The following TMEM266 variants were observed in gnomAD, a reference collection of about 807,000 sequenced individuals.
The protein encoded by TMEM266 is transmembrane protein 266.
In TMEM266, 33 loss-of-function variants were observed where a neutral mutation model predicts 50.5. That is an observed-to-expected ratio of 0.65 (90% CI 0.50 to 0.87). The LOEUF is 0.87. Among genes scored for constraint, TMEM266 ranks in the 40% least tolerant of loss-of-function variants. The pLI is 0.00. For synonymous variants in TMEM266, 310 were observed against 292.3 expected, an observed-to-expected ratio of 1.06 and a Z score of -0.62; for missense variants, 655 against 695.1, an observed-to-expected ratio of 0.94 and a Z score of 0.65.
At chr15:76,087,158 C>CT (rs1044912859) in intron 1 of TMEM266, among the ~76,000 whole-genome samples, 9 of 152,010 alleles carry the variant, frequency 5.9e-5, no homozygotes, top group African/African-American at 1.2e-4. Context: ...AATTGTGCAT[C>CT]TTTTTTTTAA....
chr15:76,180,346 T>C (rs2038379454), intron 8 of TMEM266, among the ~76,000 whole-genome samples: 1 of 152,172 alleles, frequency 6.6e-6, no homozygotes, highest in South Asian at 2.1e-4. Context: ...CTGAAGGGTT[T>C]TGGGGAGCAC....
chr15:76,110,501 A>G (rs930445639), intron 1 of TMEM266, among the ~76,000 whole-genome samples: 4 of 152,170 alleles, frequency 2.6e-5, no homozygotes, highest in Non-Finnish European at 5.9e-5. Flanking sequence ...TAGGGAAGCC[A>G]AAAGATTGGA....
chr15:76,202,698 G>A (rs527679550), intron 10 of TMEM266, among the ~76,000 whole-genome samples: 4 of 152,258 alleles, frequency 2.6e-5, no homozygotes, highest in African/African-American at 9.6e-5. Flanking sequence ...AAAAACCTCA[G>A]GGAAGCCTAG....
At chr15:76,060,666 G>T (rs1037124314) in intron 1 of TMEM266, among the ~76,000 whole-genome samples, 2 of 152,192 alleles carry the variant, frequency 1.3e-5, no homozygotes, top group African/African-American at 2.4e-5. Flanking sequence ...CTAGAAAATT[G>T]TCTCCCTTGA....
intron 9 of TMEM266, among the ~76,000 whole-genome samples, chr15:76,199,584 A>G (rs1322098678): frequency 6.6e-6 from 1 of 152,158 alleles, no homozygotes; most frequent in Non-Finnish European, 1.5e-5. Context: ...TTGGCAGAGG[A>G]GGGCAGTTTC....
chr15:76,177,256 C>T (rs1173373405), intron 8 of TMEM266, among the ~76,000 whole-genome samples: 1 of 152,254 alleles, frequency 6.6e-6, no homozygotes, highest in Non-Finnish European at 1.5e-5. Flanking sequence ...CACATCCGGC[C>T]CCAGCCAGCA....
At chr15:76,099,824 C>T (rs1462174302) in intron 1 of TMEM266, among the ~76,000 whole-genome samples, 1 of 152,122 alleles carries the variant, frequency 6.6e-6, no homozygotes, top group African/African-American at 2.4e-5. Flanking sequence ...GTTTAATTGA[C>T]TCACAGTTCT....
intron 1 of TMEM266, among the ~76,000 whole-genome samples, chr15:76,087,774 G>A (rs942990566): frequency 1.3e-5 from 2 of 152,154 alleles, no homozygotes; most frequent in African/African-American, 4.8e-5. Flanking sequence ...CCAAAGAAGG[G>A]AAAAGTGATT....
intron 9 of TMEM266, among the ~76,000 whole-genome samples, chr15:76,196,587 C>G (rs1034339757): frequency 4.0e-5 from 6 of 151,260 alleles, no homozygotes; most frequent in South Asian, 2.1e-4. Flanking sequence ...CTAACTGTGA[C>G]CTTCAGGCCA....
At chr15:76,199,761 A>AATCCCTCC (rs2038713674) in intron 9 of TMEM266, among the ~76,000 whole-genome samples, 1 of 14,124 alleles carries the variant, frequency 7.1e-5, no homozygotes, top group Admixed American at 1.6e-3. Flanking sequence ...AGTAAACACT[A>AATCCCTCC]GTCCCTCCCT....
At chr15:76,130,537 C>G (rs80205783) in intron 1 of TMEM266, among the ~76,000 whole-genome samples, 1,879 of 152,344 alleles carry the variant, frequency 0.012, 39 homozygotes, top group African/African-American at 0.043. Flanking sequence ...AACTGTGTCT[C>G]AAAGAAGAGA....
intron 1 of TMEM266, among the ~76,000 whole-genome samples, chr15:76,132,274 A>T (rs1162938683): frequency 6.6e-6 from 1 of 151,490 alleles, no homozygotes; most frequent in Non-Finnish European, 1.5e-5. Context: ...ATGCCTGGCT[A>T]ATATTTTTGT....
chr15:76,083,670 T>A (rs1329725495), intron 1 of TMEM266, among the ~76,000 whole-genome samples: 6 of 152,216 alleles, frequency 3.9e-5, no homozygotes, highest in Non-Finnish European at 8.8e-5. Context: ...TCAGAACAAT[T>A]AACTCAGTTT....
rs2036327010 is a variant in TMEM266 at position 76,062,663 on chromosome 15, G to A, written c.-97+2647G>A. Among the ~76,000 whole-genome samples the A allele has an allele frequency of 4.6e-5, 7 of 152,228 alleles. No homozygotes were observed. The South Asian group carries it at 1.5e-3, about 32-fold the overall frequency. ...CAGTTGGGAATCTCATGATTGAAGA[G>A]TTTGAGAAACGGACTAGTCTGCTGT... On this transcript the variant is annotated intron_variant, in intron 1 of 10. Coordinates refer to ENST00000388942, the MANE Select transcript of TMEM266 (RefSeq NM_152335.3).
chr15:76,202,120 T>A, intron 9 of TMEM266, 82 bp from the exon 10 acceptor site: 1 of 1,224,976 alleles, frequency 8.2e-7, no homozygotes, highest in Non-Finnish European at 1.1e-6. Context: ...CCTTCTCTTG[T>A]GACCGTGGGG....
intron 3 of TMEM266, among the ~76,000 whole-genome samples, chr15:76,147,072 CTGTTTGGAG>C (rs1169023873): frequency 6.6e-6 from 1 of 152,146 alleles, no homozygotes; most frequent in Admixed American, 6.5e-5. Flanking sequence ...AAGCCCAGTT[CTGTTTGGAG>C]TGTTTGGAGG....
At chr15:76,064,611 T>G (rs1236948749) in intron 1 of TMEM266, among the ~76,000 whole-genome samples, 1 of 152,190 alleles carries the variant, frequency 6.6e-6, no homozygotes, top group African/African-American at 2.4e-5. Flanking sequence ...CCCTAGGCAG[T>G]CTGAATTACC....
intron 1 of TMEM266, among the ~76,000 whole-genome samples, chr15:76,133,388 A>G (rs2037543345): frequency 6.6e-6 from 1 of 152,200 alleles, no homozygotes; most frequent in African/African-American, 2.4e-5. Flanking sequence ...GTGAGCTGAT[A>G]TCATGCCATT....
intron 3 of TMEM266, among the ~76,000 whole-genome samples, chr15:76,144,185 C>CT (rs2037722041): frequency 6.6e-6 from 1 of 150,828 alleles, no homozygotes; most frequent in Non-Finnish European, 1.5e-5. Flanking sequence ...TCTAGGACCC[C>CT]TAACCAGTAG....
Sources: allele counts gnomAD v4.1 joint callset (sites outside exome capture counted in the v4.1 genomes callset), GRCh38; gene constraint gnomAD v4.1.1; transcripts MANE v1.5; gene names NCBI Gene and HGNC (gene_info 2026-07-23, HGNC 2026-07-21).